MTM1: variants seen among roughly 807,000 people sequenced by gnomAD.
The protein encoded by MTM1 is myotubularin 1.
MTM1 carries 9 observed loss-of-function variants against 52.1 expected under a neutral mutation model. The ratio of observed to expected loss-of-function variants is 0.17; its 90% confidence interval spans 0.10 to 0.30. The LOEUF is 0.30. Ranked by LOEUF, MTM1 falls within the 10% of genes least tolerant of loss-of-function variation. The pLI is 1.00. For missense variants in MTM1, 277 were observed against 470.7 expected (o/e 0.59, Z 3.81); for synonymous variants, 136 against 163.8 (o/e 0.83, Z 1.29).
chrX:150,660,616 G>T (rs1039158540), intron 13 of MTM1, 132 bp downstream of exon 13: 1 of 491,519 alleles, frequency 2.0e-6, no homozygotes, highest in African/African-American at 2.4e-5. Context: ...TACATTAAAG[G>T]TATGCATTTT....
At chrX:150,596,075 C>A (rs1032269821) in intron 2 of MTM1, among the ~76,000 whole-genome samples, 1 of 111,698 alleles carries the variant, frequency 9.0e-6, no homozygotes, top group Admixed American at 9.5e-5. Context: ...AATGGCTGTG[C>A]TGTTATTCAG....
In MTM1 at chrX:150,583,933, TA is replaced by T. The variant is rs1557412132; in HGVS notation, c.-10-8668del. Among the ~76,000 whole-genome samples the T allele has an allele frequency of 1.3e-4, 5 of 38,878 alleles. 1 individual carries two copies. The highest frequency in any genetic ancestry group is 3.9e-4 in the African/African-American group (5 of 12,702). The allele number at this position is 38,878 out of a possible 115,157, so 33.8% of individuals were successfully genotyped here. A position where few individuals can be genotyped will look rare whatever the true frequency, so the allele number is the denominator to read the frequency against. On this transcript the variant is annotated intron_variant, in intron 1 of 14. Transcript: ENST00000370396. ...ATATAATATAAAATATATATTAAATTAAAATATATATATTAAATATATGTTA... is the reference window on the plus strand; with the variant it reads ...ATATAATATAAAATATATATTAAATTAAATATATATATTAAATATATGTTA...
At chrX:150,599,065 C>A (rs2039026915) in intron 4 of MTM1, among the ~76,000 whole-genome samples, 1 of 112,381 alleles carries the variant, frequency 8.9e-6, no homozygotes, top group Non-Finnish European at 1.9e-5. Flanking sequence ...CCTGGATAGA[C>A]TGCATCAGAA....
At chrX:150,605,604 A>T (rs1197645811) in intron 4 of MTM1, among the ~76,000 whole-genome samples, 2 of 112,649 alleles carry the variant, frequency 1.8e-5, no homozygotes, top group African/African-American at 6.4e-5. Flanking sequence ...TTTAGTTGGT[A>T]AAAGTGCTTC....
chrX:150,633,031 G>T (rs1206260900), intron 6 of MTM1, among the ~76,000 whole-genome samples: 1 of 111,656 alleles, frequency 9.0e-6, no homozygotes, highest in South Asian at 3.8e-4. Context: ...AAAATTGCCA[G>T]GAGAGAGAAC....
chrX:150,640,621 C>G, intron 7 of MTM1, among the ~76,000 whole-genome samples: 2 of 111,531 alleles, frequency 1.8e-5, no homozygotes, highest in Non-Finnish European at 3.8e-5. Context: ...TCTGTGTCTC[C>G]CTGTCACATT....
intron 1 of MTM1, among the ~76,000 whole-genome samples, chrX:150,574,310 C>A (rs368653374): frequency 9.0e-6 from 1 of 111,353 alleles, no homozygotes; most frequent in East Asian, 2.8e-4. Flanking sequence ...CCTTGCTCCC[C>A]GGGAGCTGGT....
chrX:150,665,208 G>A (rs144999212), intron 14 of MTM1, among the ~76,000 whole-genome samples: 11 of 111,960 alleles, frequency 9.8e-5, no homozygotes, highest in Non-Finnish European at 5.6e-5. Flanking sequence ...GAATATGAAG[G>A]ATCCTACACA....
intron 2 of MTM1, among the ~76,000 whole-genome samples, chrX:150,593,525 C>T (rs2038922784): frequency 8.9e-6 from 1 of 111,753 alleles, no homozygotes; most frequent in Admixed American, 9.5e-5. Flanking sequence ...TTATTCATGG[C>T]CCTTTAAGGC....
chrX:150,610,141 C>T (rs2039248543), intron 4 of MTM1, among the ~76,000 whole-genome samples: 1 of 112,074 alleles, frequency 8.9e-6, no homozygotes, highest in Non-Finnish European at 1.9e-5. Context: ...ATTTTTAATG[C>T]AGTCATTGCC....
intron 5 of MTM1, among the ~76,000 whole-genome samples, chrX:150,617,948 C>T (rs916226281): frequency 3.6e-5 from 4 of 111,294 alleles, no homozygotes; most frequent in Admixed American, 2.9e-4. Context: ...AAGATACAAC[C>T]TTAAAAAACT....
At chrX:150,565,473 C>T (rs1432078875), upstream of MTM1, among the ~76,000 whole-genome samples, 1 of 112,133 alleles carries the variant, frequency 8.9e-6, no homozygotes, top group Admixed American at 9.4e-5. Flanking sequence ...CCCTTTCCTC[C>T]ACCTTCCCCT....
rs2038301929 is a variant in MTM1 at position 150,568,667 on chromosome X, G to T, written c.-11+5G>T. The T allele has an allele frequency of 8.7e-6, 1 of 114,323 alleles. No homozygotes were observed. The highest frequency in any genetic ancestry group is 1.9e-5 in the Non-Finnish European group (1 of 53,521). 9.4% of individuals were successfully genotyped at this position (114,323 alleles called of 1,213,427 possible). On this transcript the variant is annotated splice_donor_5th_base_variant and intron_variant, in intron 1 of 14. Coordinates refer to ENST00000370396, the MANE Select transcript of MTM1 (RefSeq NM_000252.3). Reference sequence around the variant, plus strand: ...CGGTGGCGCCCGGAGCCCGAGGTGGGTGCGCGCTCACGGCTGGCCTGGCTC... The same window carrying T: ...CGGTGGCGCCCGGAGCCCGAGGTGGTTGCGCGCTCACGGCTGGCCTGGCTC...
At chrX:150,658,602 ACCC>A (rs1194318140) in intron 11 of MTM1, among the ~76,000 whole-genome samples, 2 of 110,672 alleles carry the variant, frequency 1.8e-5, no homozygotes, top group Admixed American at 1.9e-4. Flanking sequence ...TTTTAAAATA[ACCC>A]CCCCAAGAAA....
rs143521383 is a variant in MTM1, at chrX:150,638,910, C to T, written c.445-33C>T. 1,130 of 1,028,778 alleles carry T rather than the reference C, an allele frequency of 1.1e-3. 6 individuals carry two copies. In the African/African-American group the frequency reaches 0.017, roughly 15 times the overall value. 84.8% of individuals were successfully genotyped at this position (1,028,778 alleles called of 1,213,427 possible). On this transcript the variant is annotated intron_variant, in intron 6 of 14. Transcript: ENST00000370396. ...ACTATAATAGTAGACTGTTCCTTCA[C>T]GCTGAACTTTATTTATTTTTTGCCT...
Position 150,598,582 on chromosome X carries a change from A to G in MTM1, c.137-10A>G, listed in dbSNP as rs782730746. The G allele has an allele frequency of 9.1e-7, 1 of 1,103,908 alleles. No homozygotes were observed. The allele number at this position is 1,103,908 out of a possible 1,213,427, so 91.0% of individuals were successfully genotyped here. A position where few individuals can be genotyped will look rare whatever the true frequency, so the allele number is the denominator to read the frequency against. ...TCCATTATTTTAGGGTACTTTTTTT[A>G]TCTTAATAGACAAAGAAGTTATTTA... is the stretch of plus-strand genomic sequence containing the variant. On this transcript the variant is annotated splice_polypyrimidine_tract_variant and intron_variant, in intron 3 of 14. Transcript: ENST00000370396.
At chrX:150,633,821 C>T (rs1234514744) in intron 6 of MTM1, among the ~76,000 whole-genome samples, 1 of 112,158 alleles carries the variant, frequency 8.9e-6, no homozygotes, top group African/African-American at 3.2e-5. Flanking sequence ...TGCCTGAGCT[C>T]AGGAGTTCAA....
intron 14 of MTM1, among the ~76,000 whole-genome samples, chrX:150,665,365 T>A (rs1262934627): frequency 8.9e-6 from 1 of 112,204 alleles, no homozygotes; most frequent in East Asian, 2.8e-4. Flanking sequence ...GCCAGAAACA[T>A]AAGCCAATGG....
At chrX:150,569,299 C>G (rs782504977) in intron 1 of MTM1, among the ~76,000 whole-genome samples, 1 of 113,494 alleles carries the variant, frequency 8.8e-6, no homozygotes, top group Non-Finnish European at 1.9e-5. Flanking sequence ...AGCAAGCGCC[C>G]GTGGCCGGGT....
Sources: allele counts gnomAD v4.1 joint callset (sites outside exome capture counted in the v4.1 genomes callset), GRCh38; gene constraint gnomAD v4.1.1; transcripts MANE v1.5; gene names NCBI Gene and HGNC (gene_info 2026-07-23, HGNC 2026-07-21).